The following EVA1C variants were observed in gnomAD, a reference collection of about 807,000 sequenced individuals.
EVA1C encodes protein eva-1 homolog C.
In EVA1C, 25 loss-of-function variants were observed where a neutral mutation model predicts 45.4. The ratio of observed to expected loss-of-function variants is 0.55; its 90% CI spans 0.40 to 0.77. The LOEUF is 0.77. Ranked by LOEUF, EVA1C falls within the 30% of genes least tolerant of loss-of-function variation. The pLI is 0.00. For missense variants in EVA1C, 479 were observed against 554.8 expected (o/e 0.86, Z 1.37); for synonymous variants, 190 against 221.2 (o/e 0.86, Z 1.25).
chr21:32,515,321 G>A lies in EVA1C; in HGVS notation c.*131G>A. Reference sequence around the variant, plus strand: ...TGTCATTCAACACTCGTGAGGCCAGGAAGCTATTAAAGGGATGTTTCAAGC... The same window carrying A: ...TGTCATTCAACACTCGTGAGGCCAGAAAGCTATTAAAGGGATGTTTCAAGC... On this transcript the variant is annotated 3_prime_UTR_variant, in exon 8 of 8. Coordinates refer to ENST00000300255, the MANE Select transcript of EVA1C (RefSeq NM_058187.5). 1 of 998,756 alleles carries A rather than the reference G, an allele frequency of 1.0e-6. No individual in the cohort carries two copies. The highest frequency in any genetic ancestry group is 1.4e-6 in the Non-Finnish European group (1 of 690,860). The allele number at this position is 998,756 out of a possible 1,614,324, so 61.9% of individuals were successfully genotyped here.
intron 1 of EVA1C, among the ~76,000 whole-genome samples, chr21:32,432,401 C>T (rs1177592625): frequency 5.3e-5 from 8 of 152,020 alleles, no homozygotes; most frequent in African/African-American, 1.9e-4. Flanking sequence ...AGCCTTAAAG[C>T]AGAACAGAAG....
At position 32,412,790 on chromosome 21, in the gene EVA1C, TCCTTAGCCCTGCGA is replaced by T; in HGVS notation, c.-61_-48del. On this transcript the variant is annotated 5_prime_UTR_variant, in exon 1 of 8. Transcript: ENST00000300255. ...CGATTCTCCCCGCCATGTGACGCCG[TCCTTAGCCCTGCGA>T]CCCCCAGCGCGTCCCGGGCCTGCGC... The T allele has an allele frequency of 7.6e-7, 1 of 1,310,588 alleles. No homozygotes were observed. Among genetic ancestry groups the T allele is most frequent in the Non-Finnish European group, 9.7e-7 (1 of 1,029,864 alleles). 81.2% of individuals were successfully genotyped at this position (1,310,588 alleles called of 1,614,324 possible).
intron 4 of EVA1C, among the ~76,000 whole-genome samples, chr21:32,493,914 C>T (rs1348089336): frequency 6.6e-6 from 1 of 152,082 alleles, no homozygotes; most frequent in African/African-American, 2.4e-5. Flanking sequence ...ATTCTTGTGC[C>T]TCAGCCTCCC....
chr21:32,484,454 G>T (rs2146364236), intron 4 of EVA1C, among the ~76,000 whole-genome samples: 1 of 151,844 alleles, frequency 6.6e-6, no homozygotes, highest in Non-Finnish European at 1.5e-5. Context: ...TGAGGCAGGA[G>T]AATTGCTTGA....
At chr21:32,467,125 C>A (rs1028286660) in intron 3 of EVA1C, among the ~76,000 whole-genome samples, 10 of 152,034 alleles carry the variant, frequency 6.6e-5, no homozygotes, top group Admixed American at 6.6e-4. Flanking sequence ...TGCACTCTAG[C>A]CTGGGTAACA....
At chr21:32,501,292 G>A in intron 5 of EVA1C, 123 bp from the exon 6 acceptor site, 1 of 792,174 alleles carries the variant, frequency 1.3e-6, no homozygotes, top group Non-Finnish European at 2.0e-6. Context: ...AAGAGTGAGT[G>A]ATTCTTGCAC....
intron 5 of EVA1C, among the ~76,000 whole-genome samples, chr21:32,499,323 A>G (rs1232961049): frequency 6.6e-6 from 1 of 152,190 alleles, no homozygotes; most frequent in African/African-American, 2.4e-5. Flanking sequence ...GCAGAAAGCA[A>G]TTTGCAGCAG....
At chr21:32,507,881 A>G (rs1386466183) in intron 7 of EVA1C, among the ~76,000 whole-genome samples, 2 of 145,886 alleles carry the variant, frequency 1.4e-5, no homozygotes, top group Non-Finnish European at 3.0e-5. Flanking sequence ...ATGTGTGTGC[A>G]TGTGTATCTG....
rs2035617592 is a variant in EVA1C, at chr21:32,452,474, G to C, written c.161-838G>C. 1 of 152,280 alleles carries C rather than the reference G, an allele frequency of 6.6e-6. No homozygotes were observed. Among genetic ancestry groups the C allele is most frequent in the Non-Finnish European group, 1.5e-5 (1 of 68,088 alleles). The allele number at this position is 152,280 out of a possible 1,614,324, so 9.4% of individuals were successfully genotyped here. On this transcript the variant is annotated intron_variant, in intron 1 of 7. Coordinates refer to ENST00000300255, the MANE Select transcript of EVA1C (RefSeq NM_058187.5). The surrounding 1 kb of genome is among the most constrained non-coding windows in gnomAD (Gnocchi z 4.0). ...CGACCCCACAGCAGCTTGTAGAATTGGGTGTTTACAGCTCCCGAAGCCCCA... is the reference window on the plus strand; with the variant it reads ...CGACCCCACAGCAGCTTGTAGAATTCGGTGTTTACAGCTCCCGAAGCCCCA...
chr21:32,436,294 C>A (rs1194250377), intron 1 of EVA1C, among the ~76,000 whole-genome samples: 3 of 152,148 alleles, frequency 2.0e-5, no homozygotes, highest in Non-Finnish European at 2.9e-5. Flanking sequence ...GAACTCCTCA[C>A]CTTGTGATCC....
At chr21:32,511,216 G>C (rs975052577) in intron 7 of EVA1C, among the ~76,000 whole-genome samples, 1 of 152,040 alleles carries the variant, frequency 6.6e-6, no homozygotes, top group Non-Finnish European at 1.5e-5. Flanking sequence ...AGGAGTTCAA[G>C]ACCAGCCTGG....
chr21:32,455,466 C>A (rs1383060656), intron 2 of EVA1C, among the ~76,000 whole-genome samples: 1 of 152,042 alleles, frequency 6.6e-6, no homozygotes, highest in Non-Finnish European at 1.5e-5. Flanking sequence ...GATAAACATT[C>A]CAGCCATAGC....
chr21:32,487,440 C>G (rs1382886725), intron 4 of EVA1C, among the ~76,000 whole-genome samples: 1 of 152,146 alleles, frequency 6.6e-6, no homozygotes. Flanking sequence ...TGGGTAGAAC[C>G]TTTAGGCCAG....
chr21:32,490,764 T>C (rs558246903), intron 4 of EVA1C, among the ~76,000 whole-genome samples: 7 of 152,318 alleles, frequency 4.6e-5, no homozygotes, highest in African/African-American at 1.7e-4. Flanking sequence ...TGCACTCATG[T>C]ACCTCACTGC....
intron 1 of EVA1C, among the ~76,000 whole-genome samples, chr21:32,417,548 T>C (rs1601192372): frequency 6.6e-6 from 1 of 152,348 alleles, no homozygotes; most frequent in East Asian, 1.9e-4. Flanking sequence ...TAGACTCCAA[T>C]GTTTGAATTT....
intron 3 of EVA1C, among the ~76,000 whole-genome samples, chr21:32,466,960 C>T (rs550870317): frequency 9.9e-5 from 15 of 152,106 alleles, no homozygotes; most frequent in African/African-American, 2.7e-4. Context: ...CCACTGTGCC[C>T]GGCCTCTTTC....
chr21:32,503,017 G>A (rs574824627), intron 6 of EVA1C, among the ~76,000 whole-genome samples: 35 of 152,310 alleles, frequency 2.3e-4, no homozygotes, highest in South Asian at 1.0e-3. Flanking sequence ...ACCCTGTGCC[G>A]TCTCTCCTCA....
At chr21:32,467,937 T>A in intron 4 of EVA1C, 89 bp downstream of exon 4, 1 of 888,678 alleles carries the variant, frequency 1.1e-6, no homozygotes, top group Non-Finnish European at 1.5e-6. Flanking sequence ...ATATATCCTA[T>A]ATGATTGTGA....
At chr21:32,487,897 C>T (rs1303206602) in intron 4 of EVA1C, among the ~76,000 whole-genome samples, 3 of 152,224 alleles carry the variant, frequency 2.0e-5, no homozygotes, top group East Asian at 3.9e-4. Context: ...GCCAGTCTTG[C>T]AAATTCTGGA....
Sources: allele counts gnomAD v4.1 joint callset (sites outside exome capture counted in the v4.1 genomes callset), GRCh38; gene constraint gnomAD v4.1.1; non-coding constraint Gnocchi (gnomAD v3.1); transcripts MANE v1.5; gene names NCBI Gene and HGNC (gene_info 2026-07-23, HGNC 2026-07-21).